The following ROBO2 variants were observed in gnomAD, a reference collection of about 807,000 sequenced individuals.
ROBO2 encodes the protein roundabout guidance receptor 2.
ROBO2 carries 53 observed loss-of-function variants against 160.8 expected under a neutral mutation model. The ratio of observed to expected loss-of-function variants is 0.33; its 90% CI spans 0.26 to 0.41. ROBO2 has a LOEUF of 0.41. Ranked by LOEUF, ROBO2 falls within the 10% of genes least tolerant of loss-of-function variation. The pLI is 1.00. For missense variants in ROBO2, 1,577 were observed against 1,722.4 expected, an observed-to-expected ratio of 0.92 and a Z score of 1.49; for synonymous variants, 664 against 611.7, an observed-to-expected ratio of 1.09 and a Z score of -1.26.
intron 2 of ROBO2, among the ~76,000 whole-genome samples, chr3:76,103,887 A>G (rs990058481): frequency 6.6e-6 from 1 of 152,182 alleles, no homozygotes; most frequent in Non-Finnish European, 1.5e-5. Context: ...CTTATGCCGA[A>G]GTTGATTTCC....
chr3:76,047,363 G>A (rs1400780595), intron 2 of ROBO2, among the ~76,000 whole-genome samples: 6 of 152,146 alleles, frequency 3.9e-5, no homozygotes, highest in East Asian at 1.9e-4. Context: ...CTCTGCATCC[G>A]TTCATTAAAG....
At chr3:77,003,666 T>C (rs1485980218) in intron 2 of ROBO2, among the ~76,000 whole-genome samples, 1 of 152,062 alleles carries the variant, frequency 6.6e-6, no homozygotes, top group African/African-American at 2.4e-5. Context: ...GTTCAAGCGA[T>C]TCTCCTACCT....
At chr3:77,593,426 C>T (rs560309052) in intron 17 of ROBO2, among the ~76,000 whole-genome samples, 1 of 152,150 alleles carries the variant, frequency 6.6e-6, no homozygotes, top group Non-Finnish European at 1.5e-5. Flanking sequence ...TTCCTGATTT[C>T]CCGCATTTCA....
chr3:76,711,883 G>C (rs909801390), intron 2 of ROBO2, among the ~76,000 whole-genome samples: 2 of 152,154 alleles, frequency 1.3e-5, no homozygotes, highest in Non-Finnish European at 1.5e-5. Context: ...GCAATGCCAA[G>C]AGCTTCCTCC....
At chr3:77,213,421 G>A (rs2084466139) in intron 2 of ROBO2, among the ~76,000 whole-genome samples, 1 of 152,046 alleles carries the variant, frequency 6.6e-6, no homozygotes, top group Admixed American at 6.5e-5. Flanking sequence ...GATCGGTGGT[G>A]ATATCCCCTT....
At chr3:76,882,352 A>G (rs150806770) in intron 2 of ROBO2, among the ~76,000 whole-genome samples, 1 of 152,186 alleles carries the variant, frequency 6.6e-6, no homozygotes, top group East Asian at 1.9e-4. Flanking sequence ...GAATTATTTC[A>G]TGTGTTCCAC....
At chr3:77,061,030 G>T (rs1020423475) in intron 1 of ROBO2, among the ~76,000 whole-genome samples, 3 of 151,934 alleles carry the variant, frequency 2.0e-5, no homozygotes, top group African/African-American at 7.3e-5. Flanking sequence ...CGAACTCCTG[G>T]GTTCAAGGGA....
intron 2 of ROBO2, among the ~76,000 whole-genome samples, chr3:77,265,915 A>G (rs2059092759): frequency 6.6e-6 from 1 of 152,184 alleles, no homozygotes; most frequent in Non-Finnish European, 1.5e-5. Flanking sequence ...ATGGGAATCC[A>G]AGTTTGCCTG....
intron 2 of ROBO2, among the ~76,000 whole-genome samples, chr3:76,863,454 G>A (rs1166967): frequency 0.14 from 15,429 of 111,198 alleles, 945 homozygotes; most frequent in South Asian, 0.18. Flanking sequence ...AAAGAAAAAA[G>A]AAAAGAAAAG....
At chr3:76,398,366 C>T (rs1031134698) in intron 2 of ROBO2, among the ~76,000 whole-genome samples, 5 of 151,294 alleles carry the variant, frequency 3.3e-5, no homozygotes, top group East Asian at 2.0e-4. Context: ...AGGAGATATA[C>T]CTAATGCTAA....
intron 2 of ROBO2, among the ~76,000 whole-genome samples, chr3:77,323,837 A>ATTTT (rs949143121): frequency 1.3e-5 from 2 of 152,174 alleles, no homozygotes; most frequent in African/African-American, 2.4e-5. Flanking sequence ...ATCACTTGGC[A>ATTTT]TTTTTGAGAT....
intron 2 of ROBO2, among the ~76,000 whole-genome samples, chr3:77,238,855 A>C (rs1580280261): frequency 6.6e-6 from 1 of 152,128 alleles, no homozygotes; most frequent in Non-Finnish European, 1.5e-5. Flanking sequence ...CACTGGAGCA[A>C]TTCTGTTTTC....
intron 2 of ROBO2, among the ~76,000 whole-genome samples, chr3:76,086,978 A>T (rs1256353600): frequency 1.3e-5 from 2 of 152,184 alleles, no homozygotes; most frequent in Non-Finnish European, 1.5e-5. Flanking sequence ...GACTACAGAA[A>T]CTTCCAAAAT....
At chr3:76,921,699 T>G (rs1424296987) in intron 2 of ROBO2, among the ~76,000 whole-genome samples, 2 of 152,202 alleles carry the variant, frequency 1.3e-5, no homozygotes, top group Non-Finnish European at 2.9e-5. Context: ...CTTTCTTTCT[T>G]TCTTTTTTTG....
intron 2 of ROBO2, among the ~76,000 whole-genome samples, chr3:76,338,243 A>C (rs2074009966): frequency 6.6e-6 from 1 of 152,114 alleles, no homozygotes; most frequent in Non-Finnish European, 1.5e-5. Context: ...TCCCCTTCTC[A>C]CATGTTTCTA....
intron 2 of ROBO2, among the ~76,000 whole-genome samples, chr3:77,121,853 T>A (rs1042085877): frequency 6.6e-6 from 1 of 152,150 alleles, no homozygotes; most frequent in African/African-American, 2.4e-5. Context: ...GAGCTTTAAT[T>A]ATGTTCTGGA....
chr3:77,648,413 CTT>C (rs2095426979), exon 26 of ROBO2: 1 of 152,146 alleles, frequency 6.6e-6, no homozygotes, highest in African/African-American at 2.4e-5. Context: ...GTGCAGATGA[CTT>C]TTGGAATAAC....
At chr3:77,284,613 C>T (rs765983068) in intron 2 of ROBO2, among the ~76,000 whole-genome samples, 1 of 152,136 alleles carries the variant, frequency 6.6e-6, no homozygotes, top group Non-Finnish European at 1.5e-5. Flanking sequence ...AAGTGGGTAG[C>T]ATGGTTTTGT....
At chr3:76,697,911 T>A (rs796462149) in intron 2 of ROBO2, among the ~76,000 whole-genome samples, 19 of 152,172 alleles carry the variant, frequency 1.2e-4, no homozygotes, top group African/African-American at 4.1e-4. Context: ...TCTTAAAAAA[T>A]TTGGAAGAAT....
Sources: allele counts gnomAD v4.1 joint callset (sites outside exome capture counted in the v4.1 genomes callset), GRCh38; gene constraint gnomAD v4.1.1; transcripts MANE v1.5; gene names NCBI Gene and HGNC (gene_info 2026-07-23, HGNC 2026-07-21).